The following BPTF variants were observed in gnomAD, a reference collection of about 807,000 sequenced individuals.
BPTF encodes bromodomain PHD finger transcription factor.
In BPTF, 18 loss-of-function variants were observed where a neutral mutation model predicts 292.5. That is an observed-to-expected ratio of 0.06 (90% confidence interval 0.04 to 0.09). The LOEUF (loss-of-function observed/expected upper bound fraction) is 0.09. Among genes scored for constraint, BPTF ranks in the 10% least tolerant of loss-of-function variants. The pLI, the probability that BPTF is intolerant of heterozygous loss-of-function variation, is 1.00. For synonymous variants in BPTF, 1,225 were observed against 1,251.9 expected (o/e 0.98, Z 0.45); for missense variants, 2,726 against 3,498.7 (o/e 0.78, Z 5.57).
At chr17:67,871,071 G>C (rs1187639601) in intron 3 of BPTF, among the ~76,000 whole-genome samples, 1 of 151,956 alleles carries the variant, frequency 6.6e-6, no homozygotes, top group South Asian at 2.1e-4. Context: ...GCGCCCGGCC[G>C]AAAATGCTTC....
chr17:67,881,500 T>G lies in BPTF; in HGVS notation c.1864+6480T>G, dbSNP rs1233995615. ...TCTTTCCATAATCAAGGTTTTTTTT[T>G]TTTTTTTTTTTTTTTTTGAGAGACA... On this transcript the variant is annotated intron_variant, in intron 4 of 27. Coordinates refer to ENST00000306378, the MANE Select transcript of BPTF (RefSeq NM_182641.4). Among the ~76,000 whole-genome samples the G allele has an allele frequency of 7.4e-4, 105 of 141,658 alleles. 12 individuals carry two copies. Among genetic ancestry groups the G allele is most frequent in the African/African-American group, 2.6e-3 (101 of 38,382 alleles). The allele number at this position is 141,658 out of a possible 152,430, so 92.9% of individuals were successfully genotyped here. A position where few individuals can be genotyped will look rare whatever the true frequency, so the allele number is the denominator to read the frequency against.
intron 3 of BPTF, among the ~76,000 whole-genome samples, chr17:67,869,192 A>T (rs2059561181): frequency 6.6e-6 from 1 of 152,230 alleles, no homozygotes; most frequent in Non-Finnish European, 1.5e-5. Context: ...TAGTACAACA[A>T]CAGAGAACCA....
At chr17:67,903,743 T>G in intron 7 of BPTF, 46 bp from the exon 8 acceptor site, 1 of 1,470,780 alleles carries the variant, frequency 6.8e-7, no homozygotes, top group South Asian at 1.5e-5. Context: ...ATCTTTTCTG[T>G]TTATTTTTCC....
At position 67,886,375 on chromosome 17, in the gene BPTF, T is replaced by TG. The variant is rs148914370; in HGVS notation, c.1865-5469_1865-5468insG. ...AAGTTTTTTCTTTTTTTTCTTTTTTTTGTGTGTGTGTGTGTGGTTTTTTGC... is the reference window on the plus strand; with the variant it reads ...AAGTTTTTTCTTTTTTTTCTTTTTTTGTGTGTGTGTGTGTGTGGTTTTTTGC... On this transcript the variant is annotated intron_variant, in intron 4 of 27. Coordinates refer to ENST00000306378, the MANE Select transcript of BPTF (RefSeq NM_182641.4). 733 of 1,221,750 alleles carry TG rather than the reference T, an allele frequency of 6.0e-4. 3 individuals carry two copies. The African/African-American group carries it at 0.01, about 17-fold the overall frequency. The allele number at this position is 1,221,750 out of a possible 1,614,324, so 75.7% of individuals were successfully genotyped here.
intron 13 of BPTF, among the ~76,000 whole-genome samples, chr17:67,921,033 C>G (rs538847964): frequency 2.0e-5 from 3 of 150,904 alleles, no homozygotes; most frequent in African/African-American, 7.3e-5. Context: ...GTAGTGAAAC[C>G]CTATCCCTAC....
At chr17:67,873,108 A>G (rs1323426459) in intron 3 of BPTF, among the ~76,000 whole-genome samples, 2 of 152,202 alleles carry the variant, frequency 1.3e-5, no homozygotes, top group African/African-American at 4.8e-5. Flanking sequence ...AATTTATAAA[A>G]AAGGAAACAC....
chr17:67,851,358 A>G (rs2058392413), intron 1 of BPTF, among the ~76,000 whole-genome samples: 1 of 151,886 alleles, frequency 6.6e-6, no homozygotes, highest in Non-Finnish European at 1.5e-5. Flanking sequence ...GAACGCCTCA[A>G]GGGGCTCACA....
chr17:67,888,110 G>GGT (rs1281722002), intron 4 of BPTF, among the ~76,000 whole-genome samples: 1 of 152,146 alleles, frequency 6.6e-6, no homozygotes, highest in African/African-American at 2.4e-5. Flanking sequence ...TCCATCCTTT[G>GGT]GTAGCTCAGC....
At position 67,911,202 on chromosome 17, in the gene BPTF, A is replaced by G; in HGVS notation, c.3318A>G (p.Pro1106=). 1 of 1,613,914 alleles carries G rather than the reference A, an allele frequency of 6.2e-7. No individual in the cohort carries two copies. The highest frequency in any genetic ancestry group is 8.5e-7 in the Non-Finnish European group (1 of 1,179,970). Residue 1106 remains proline (P), a synonymous_variant, in exon 11 of 28, where the codon CCA becomes CCG. Transcript: ENST00000306378. The part of the protein sequence containing the change: ...TNSSKNLSES[P]VITKAKEGCQ... ...CTTCAAAAAATCTCTCTGAATCACC[A>G]GTAATAACGAAAGCAAAAGAAGGGT...
intron 21 of BPTF, among the ~76,000 whole-genome samples, chr17:67,946,656 G>T (rs1253909613): frequency 6.6e-6 from 1 of 152,206 alleles, no homozygotes; most frequent in African/African-American, 2.4e-5. Context: ...AGACATTATA[G>T]CAATTCCTTT....
At chr17:67,844,548 ATTTTTTTTTTCTTTTTTTTT>A (rs1254096458) in intron 1 of BPTF, among the ~76,000 whole-genome samples, 2 of 141,306 alleles carry the variant, frequency 1.4e-5, no homozygotes, top group East Asian at 2.1e-4. Context: ...CGCCCGGCTA[ATTTTTTTTTTCTTTTTTTTT>A]TTTTGTATTT....
At chr17:67,883,166 ATT>A (rs908271385) in intron 4 of BPTF, among the ~76,000 whole-genome samples, 5 of 151,680 alleles carry the variant, frequency 3.3e-5, no homozygotes, top group Non-Finnish European at 7.4e-5. Context: ...TACAAACAAA[ATT>A]AGCCGGGCGT....
At chr17:67,897,201 C>T (rs1006700073) in intron 7 of BPTF, among the ~76,000 whole-genome samples, 2 of 151,062 alleles carry the variant, frequency 1.3e-5, no homozygotes, top group South Asian at 2.1e-4. Context: ...ATTAACCAGG[C>T]GTGGTGGCAC....
At position 67,934,260 on chromosome 17, in the gene BPTF, A is replaced by G. The variant is rs759224979; in HGVS notation, c.6259+2241A>G. ...TGACCGGGCGCTGTGGCTCACGCCT[A>G]TAATCCTAGCACTTTGGGAGGCCAA... On this transcript the variant is annotated intron_variant, in intron 18 of 27. Coordinates refer to ENST00000306378, the MANE Select transcript of BPTF (RefSeq NM_182641.4). 7.9e-5 allele frequency among the ~76,000 whole-genome samples: 12 copies of G among 151,648 alleles called. 1 individual carries two copies. In the South Asian group the frequency reaches 1.3e-3, roughly 16 times the overall value.
At chr17:67,933,557 C>T (rs1384938807) in intron 18 of BPTF, among the ~76,000 whole-genome samples, 3 of 150,842 alleles carry the variant, frequency 2.0e-5, no homozygotes, top group Admixed American at 6.6e-5. Context: ...AGACGGAGCA[C>T]GACCTGTTTA....
chr17:67,910,998 G>A lies in BPTF; in HGVS notation c.3114G>A (p.Val1038=). 6.2e-7 allele frequency: 1 copy of A among 1,613,832 alleles called. No individual in the cohort carries two copies. The highest frequency in any genetic ancestry group is 1.3e-5 in the African/African-American group (1 of 74,976). Residue 1038 remains valine, a synonymous_variant, in exon 11 of 28, where the codon GTG becomes GTA. Transcript: ENST00000306378. ...GTCAGGAGAGTTCTCAAGTAGATGT[G>A]GTCAATGTTAGTGAGGGTTTTCATC... is the stretch of plus-strand genomic sequence containing the variant. The part of the protein sequence containing the change: ...VNCQESSQVD[V]VNVSEGFHLR...
chr17:67,853,854 T>A (rs2144977560), intron 1 of BPTF, 86 bp from the exon 2 acceptor site: 1 of 974,494 alleles, frequency 1.0e-6, no homozygotes, highest in East Asian at 2.4e-5. Flanking sequence ...TACTTATGTA[T>A]TTTAGGGGGG....
chr17:67,923,172 C>T (rs2063577323), intron 14 of BPTF, among the ~76,000 whole-genome samples, 182 bp downstream of exon 14: 1 of 151,500 alleles, frequency 6.6e-6, no homozygotes, highest in Non-Finnish European at 1.5e-5. Context: ...CCTCCCACCT[C>T]AGCCTCCCCG....
At chr17:67,901,029 G>A (rs965410473) in intron 7 of BPTF, among the ~76,000 whole-genome samples, 36 of 150,868 alleles carry the variant, frequency 2.4e-4, no homozygotes, top group African/African-American at 8.8e-4. Context: ...TAAAAAAAAA[G>A]AAAAGAAAAA....
Sources: allele counts gnomAD v4.1 joint callset (sites outside exome capture counted in the v4.1 genomes callset), GRCh38; gene constraint gnomAD v4.1.1; transcripts MANE v1.5; gene names NCBI Gene and HGNC (gene_info 2026-07-23, HGNC 2026-07-21).